TNNC2: variants seen among roughly 807,000 people sequenced by gnomAD.
TNNC2 encodes troponin C2, fast skeletal type, also known as troponin C, skeletal muscle.
A neutral mutation model predicts 20.0 loss-of-function variants in TNNC2; 14 were observed. The observed-to-expected ratio is 0.70, with a 90% CI of 0.46 to 1.09. The LOEUF is 1.09. Ranked by LOEUF, TNNC2 falls within the 50% of genes least tolerant of loss-of-function variation. TNNC2 has a pLI of 0.00. For missense variants in TNNC2, 163 were observed against 223.8 expected (o/e 0.73, Z 1.73); for synonymous variants, 81 against 77.3 (o/e 1.05, Z -0.25).
intron 2 of TNNC2, 58 bp downstream of exon 2, chr20:45,824,725 G>A: frequency 7.0e-7 from 1 of 1,424,124 alleles, no homozygotes; most frequent in Non-Finnish European, 9.6e-7. Context: ...CCTGCCTAGA[G>A]GCCAACATGT....
At position 45,824,411 on chromosome 20, in the gene TNNC2, G is replaced by A. The variant is rs749513092; in HGVS notation, c.200-5C>T. ...CGAAGTCGATGGTGCCGCTGCCTGC[G>A]GGCAGCAGGTGGCAGACTGAGCCTG... On this transcript the variant is annotated splice_region_variant and splice_polypyrimidine_tract_variant and intron_variant, in intron 3 of 5. Transcript: ENST00000372555. 1.2e-6 allele frequency: 2 copies of A among 1,610,650 alleles called. No homozygotes were observed. Among genetic ancestry groups the A allele is most frequent in the South Asian group, 2.2e-5 (2 of 91,078 alleles).
At chr20:45,825,588 G>A (rs965744157) in intron 1 of TNNC2, among the ~76,000 whole-genome samples, 3 of 147,676 alleles carry the variant, frequency 2.0e-5, no homozygotes, top group East Asian at 2.0e-4. Flanking sequence ...CACCATGCCC[G>A]GCCTGACCCC....
chr20:45,826,503 G>A (rs537213165), intron 1 of TNNC2, among the ~76,000 whole-genome samples: 26 of 152,230 alleles, frequency 1.7e-4, no homozygotes, highest in Non-Finnish European at 2.9e-4. Flanking sequence ...CTGGCAGTGA[G>A]GACAGGGTGA....
upstream of TNNC2, among the ~76,000 whole-genome samples, chr20:45,829,384 A>G (rs1983055901): frequency 6.6e-6 from 1 of 151,920 alleles, no homozygotes; most frequent in Non-Finnish European, 1.5e-5. Context: ...AGCTGGTCTC[A>G]AACTCCCAAC....
chr20:45,829,169 T>G (rs1171172368), upstream of TNNC2, among the ~76,000 whole-genome samples: 6 of 147,926 alleles, frequency 4.1e-5, no homozygotes, highest in South Asian at 4.3e-4. Context: ...GGTTTTTTTT[T>G]TTTTTTTTTT....
chr20:45,824,162 C>A (rs1555819479), intron 4 of TNNC2, 35 bp from the exon 5 acceptor site: 7 of 1,608,978 alleles, frequency 4.4e-6, no homozygotes, highest in Non-Finnish European at 5.9e-6. Flanking sequence ...GGCTCAGGGC[C>A]GGGGCGAGCT....
rs539944000 is a variant in TNNC2, at chr20:45,823,776, T to G, written c.451+215A>C. ...CCAAAGTTCTAGGATTTTACAGTCC[T>G]GAGCCACCACGCCCCCCTGCCTGGT... On this transcript the variant is annotated intron_variant, in intron 5 of 5. Transcript: ENST00000372555. The surrounding 1 kb of genome is among the most constrained non-coding windows in gnomAD (Gnocchi z 4.6). 3.3e-4 allele frequency among the ~76,000 whole-genome samples: 51 copies of G among 152,244 alleles called. No individual in the cohort carries two copies. The highest frequency in any genetic ancestry group is 1.1e-3 in the African/African-American group (46 of 41,552).
At chr20:45,827,131 C>T in intron 1 of TNNC2, 115 bp downstream of exon 1, 1 of 1,417,994 alleles carries the variant, frequency 7.1e-7, no homozygotes, top group East Asian at 2.3e-5. Flanking sequence ...CCAGGAACCT[C>T]CATGCTCCAA....
upstream of TNNC2, among the ~76,000 whole-genome samples, chr20:45,828,635 T>C (rs1218778252): frequency 1.3e-5 from 2 of 150,554 alleles, no homozygotes; most frequent in Non-Finnish European, 3.0e-5. Flanking sequence ...ATCTGGGGAG[T>C]AAAGGGGTGG....
At chr20:45,833,139 A>T (rs1303583387) in intron 2 of TNNC2, 1 of 151,772 alleles carries the variant, frequency 6.6e-6, no homozygotes, top group Non-Finnish European at 1.5e-5. Flanking sequence ...GTGAGACTCC[A>T]TCTCAAAAGA....
At chr20:45,830,407 C>T (rs1465679699), upstream of TNNC2, among the ~76,000 whole-genome samples, 1 of 151,018 alleles carries the variant, frequency 6.6e-6, no homozygotes, top group Non-Finnish European at 1.5e-5. Context: ...TTTGCACATG[C>T]TGTTTTTTTC....
upstream of TNNC2, among the ~76,000 whole-genome samples, chr20:45,829,663 C>A (rs933475382): frequency 1.1e-4 from 16 of 151,662 alleles, no homozygotes; most frequent in Non-Finnish European, 1.5e-4. Context: ...GCCTGTAGTC[C>A]CAGCTACTTG....
upstream of TNNC2, among the ~76,000 whole-genome samples, chr20:45,827,832 G>A (rs1431431097): frequency 1.3e-5 from 2 of 152,134 alleles, no homozygotes; most frequent in African/African-American, 4.8e-5. Context: ...CCTAGCTTGT[G>A]CTGGGTACAC....
intron 2 of TNNC2, among the ~76,000 whole-genome samples, chr20:45,832,448 G>C (rs1983139325): frequency 6.6e-6 from 1 of 152,172 alleles, no homozygotes; most frequent in South Asian, 2.1e-4. Context: ...GACCATTAAT[G>C]TCCAGTTACA....
upstream of TNNC2, among the ~76,000 whole-genome samples, chr20:45,827,680 C>A (rs1037201983): frequency 6.6e-6 from 1 of 152,142 alleles, no homozygotes; most frequent in South Asian, 2.1e-4. Flanking sequence ...ACCCAAGATC[C>A]AAGGCCAGCC....
At chr20:45,827,164 C>A in intron 1 of TNNC2, 82 bp downstream of exon 1, 1 of 1,583,354 alleles carries the variant, frequency 6.3e-7, no homozygotes, top group South Asian at 1.1e-5. Context: ...AAGTTACTGC[C>A]CCACAGAGCA....
intron 1 of TNNC2, 79 bp from the exon 2 acceptor site, chr20:45,824,913 C>A (rs1982929024): frequency 6.6e-7 from 1 of 1,517,016 alleles, no homozygotes; most frequent in East Asian, 2.3e-5. Flanking sequence ...TTCTTCCCAA[C>A]CCCCACTCTG....
At chr20:45,824,200 C>T in intron 4 of TNNC2, 73 bp from the exon 5 acceptor site, 2 of 1,599,432 alleles carry the variant, frequency 1.3e-6, no homozygotes, top group Non-Finnish European at 8.5e-7. Flanking sequence ...CGACGCCCCG[C>T]TTCCGCACTC....
intron 4 of TNNC2, 31 bp from the exon 5 acceptor site, chr20:45,824,158 G>C: frequency 1.2e-6 from 2 of 1,609,678 alleles, no homozygotes; most frequent in South Asian, 1.1e-5. Flanking sequence ...GCAGGGCTCA[G>C]GGCCGGGGCG....
Sources: gnomAD v4.1 joint callset for allele counts (sites outside exome capture counted in the v4.1 genomes callset) on GRCh38, gnomAD v4.1.1 for gene constraint, Gnocchi (gnomAD v3.1) non-coding constraint, MANE v1.5 for transcripts, NCBI Gene and HGNC (gene_info 2026-07-23, HGNC 2026-07-21) for gene names.